MYOM2: variants seen among roughly 807,000 people sequenced by gnomAD.
The protein encoded by MYOM2 is myomesin-2.
MYOM2 carries 254 observed loss-of-function variants against 187.6 expected under a neutral mutation model. The observed-to-expected ratio is 1.35, with a 90% CI of 1.22 to 1.50. MYOM2 has a LOEUF of 1.50. Ranked by LOEUF, MYOM2 falls within the 40% of genes most tolerant of loss-of-function variation. The probability of loss-of-function intolerance (pLI) is 0.00; values close to 1 mark genes in which losing one functional copy is unlikely to be tolerated. For synonymous variants in MYOM2, 981 were observed against 753.8 expected, an observed-to-expected ratio of 1.30 and a Z score of -4.94; for missense variants, 2,796 against 1,924.0, an observed-to-expected ratio of 1.45 and a Z score of -8.48.
At chr8:2,068,861 G>A (rs1819115918) in intron 6 of MYOM2, among the ~76,000 whole-genome samples, 1 of 152,218 alleles carries the variant, frequency 6.6e-6, no homozygotes, top group Non-Finnish European at 1.5e-5. Flanking sequence ...GCTCTCCCAG[G>A]CAGGCTCTGT....
In MYOM2 at chr8:2,055,063, G is replaced by C. The variant is rs373294085; in HGVS notation, c.264-2285G>C. ...CCAAGTACCTGGATACTGGGGGAAC[G>C]AAGTACCTGGATACTGGGGGAACGA... On this transcript the variant is annotated intron_variant, in intron 3 of 36. Transcript: ENST00000262113. 5.3e-3 allele frequency among the ~76,000 whole-genome samples: 481 copies of C among 91,444 alleles called. 8 individuals are homozygous for C. The highest frequency in any genetic ancestry group is 0.038 in the Middle Eastern group (7 of 184). 60.0% of individuals were successfully genotyped at this position (91,444 alleles called of 152,430 possible).
In MYOM2 at chr8:2,102,673, G is replaced by A; in HGVS notation, c.2626G>A (p.Asp876Asn). Residue 876 changes from aspartate to asparagine, a missense_variant, in exon 21 of 37, where the codon GAC (aspartate) becomes AAC (asparagine). By Grantham distance (23) the Asp-to-Asn change is conservative. Transcript: ENST00000262113. The stretch of plus-strand genomic sequence containing the variant: ...TTTCCTCTGTTGTTTCAAGGTCTCT[G>A]ACCTGCAGCAAGGTAAGACCTATGT... The part of the protein sequence containing the change: ...TTASRYLKVS[D>N]LQQGKTYVFR... 1.2e-6 allele frequency: 2 copies of A among 1,609,576 alleles called. No individual in the cohort carries two copies. The highest frequency in any genetic ancestry group is 1.7e-6 in the Non-Finnish European group (2 of 1,176,192).
At position 2,096,300 on chromosome 8, in the gene MYOM2, A is replaced by T; in HGVS notation, c.2179A>T (p.Met727Leu). 13 of 1,614,142 alleles carry T rather than the reference A, an allele frequency of 8.1e-6. No individual in the cohort carries two copies. The highest frequency in any genetic ancestry group is 1.0e-5 in the Non-Finnish European group (12 of 1,180,028). Residue 727 changes from methionine (M) to leucine (L), a missense_variant, in exon 18 of 37, where the codon ATG (methionine) becomes TTG (leucine). Met to Leu is a conservative substitution (Grantham distance 15). Coordinates refer to ENST00000262113, the MANE Select transcript of MYOM2 (RefSeq NM_003970.4). ...GCTCCTCAACTGTGACGGCCACTCC[A>T]TGACCCTCGGCTGGAAGGTCCCGAA... The part of the protein sequence containing the change: ...ITLLNCDGHS[M>L]TLGWKVPKFS...
At position 2,130,300 on chromosome 8, in the gene MYOM2, G is replaced by T. The variant is rs546642867; in HGVS notation, c.3800+1068G>T. On this transcript the variant is annotated intron_variant, in intron 32 of 36. Transcript: ENST00000262113. ...CCTATACCCAGGGCGCCCACACCCCGCCTTTAGTTAACGCCCCTCACTACG... is the reference window on the plus strand; with the variant it reads ...CCTATACCCAGGGCGCCCACACCCCTCCTTTAGTTAACGCCCCTCACTACG... 6.4e-5 allele frequency among the ~76,000 whole-genome samples: 9 copies of T among 141,304 alleles called. No homozygotes were observed. In the East Asian group the frequency reaches 1.7e-3, roughly 26 times the overall value. 92.7% of individuals were successfully genotyped at this position (141,304 alleles called of 152,430 possible). A position where few individuals can be genotyped will look rare whatever the true frequency, so the allele number is the denominator to read the frequency against.
At chr8:2,060,169 C>A (rs1240733923) in intron 6 of MYOM2, among the ~76,000 whole-genome samples, 1 of 152,138 alleles carries the variant, frequency 6.6e-6, no homozygotes, top group Non-Finnish European at 1.5e-5. Context: ...GCAGTAGTAT[C>A]TTGTGGCACC....
chr8:2,128,486 A>G (rs1043204339), intron 31 of MYOM2, among the ~76,000 whole-genome samples: 6 of 152,256 alleles, frequency 3.9e-5, no homozygotes, highest in East Asian at 1.9e-4. Context: ...CTTCCAGTTC[A>G]GAGCTTCTGC....
At chr8:2,103,006 T>C (rs1215530408) in intron 21 of MYOM2, among the ~76,000 whole-genome samples, 6 of 152,026 alleles carry the variant, frequency 3.9e-5, no homozygotes, top group African/African-American at 1.4e-4. Context: ...AGAGTGTGCA[T>C]GGATTATGTG....
rs201055809 is a variant in MYOM2 at position 2,076,226 on chromosome 8, C to A, written c.1206C>A (p.Thr402=). ...CCAACCGGGACTACGTCATCGTGACCTGGAAGCCGCCCAACACCACCACTG... is the reference window on the plus strand; with the variant it reads ...CCAACCGGGACTACGTCATCGTGACATGGAAGCCGCCCAACACCACCACTG... ...HDANRDYVIV[T]WKPPNTTTES... is the part of the protein sequence containing the mutation. Residue 402 remains threonine (T), a synonymous_variant, in exon 11 of 37, where the codon ACC becomes ACA. Coordinates refer to ENST00000262113, the MANE Select transcript of MYOM2 (RefSeq NM_003970.4). The A allele has an allele frequency of 1.2e-6, 2 of 1,613,680 alleles. No individual in the cohort carries two copies. The highest frequency in any genetic ancestry group is 1.7e-6 in the Non-Finnish European group (2 of 1,179,930).
At chr8:2,064,379 C>A (rs897475269) in intron 6 of MYOM2, among the ~76,000 whole-genome samples, 14 of 152,200 alleles carry the variant, frequency 9.2e-5, no homozygotes, top group Non-Finnish European at 2.1e-4. Flanking sequence ...CTAACTTACC[C>A]GTGCCCACCG....
At chr8:2,142,054 T>C (rs1798292064) in intron 34 of MYOM2, among the ~76,000 whole-genome samples, 1 of 145,574 alleles carries the variant, frequency 6.9e-6, no homozygotes, top group Non-Finnish European at 1.5e-5. Flanking sequence ...ATCTCAAGTC[T>C]CCAGTGCAAT....
rs773097256 is a variant in MYOM2, at chr8:2,093,978, T to A, written c.2012T>A (p.Val671Glu). ...HKPIGYNRFVVHGLTTGEQYI... is the reference protein window; with the variant it reads ...HKPIGYNRFVEHGLTTGEQYI... Reference sequence around the variant, plus strand: ...ATCCCTGTGTTTCTCAGGTTCGTGGTGCACGGCTTAACCACGGGAGAGCAG... The same window carrying A: ...ATCCCTGTGTTTCTCAGGTTCGTGGAGCACGGCTTAACCACGGGAGAGCAG... Residue 671 changes from valine to glutamate, a missense_variant, in exon 17 of 37, where the codon GTG becomes GAG. Transcript: ENST00000262113. 1 of 1,614,034 alleles carries A rather than the reference T, an allele frequency of 6.2e-7. No homozygotes were observed. Among genetic ancestry groups the A allele is most frequent in the South Asian group, 1.1e-5 (1 of 91,080 alleles).
intron 11 of MYOM2, among the ~76,000 whole-genome samples, chr8:2,077,444 G>T (rs151318621): frequency 2.6e-5 from 4 of 152,080 alleles, no homozygotes; most frequent in Non-Finnish European, 5.9e-5. Flanking sequence ...AAAAATGAGG[G>T]AATTGGCTTT....
chr8:2,062,304 A>T (rs1818877788), intron 6 of MYOM2, among the ~76,000 whole-genome samples: 1 of 152,212 alleles, frequency 6.6e-6, no homozygotes, highest in Non-Finnish European at 1.5e-5. Flanking sequence ...CCTCTAGAGG[A>T]TCACTCTGAC....
rs1796997967 is a variant in MYOM2, at chr8:2,109,482, A to G, written c.3131A>G (p.Asp1044Gly). 3.1e-6 allele frequency: 5 copies of G among 1,613,464 alleles called. No individual in the cohort carries two copies. Among genetic ancestry groups the G allele is most frequent in the East Asian group, 4.5e-5 (2 of 44,768 alleles). The change falls in exon 25 of 37, where the codon GAT becomes GGT. Residue 1044 changes from aspartate (D) to glycine (G), a missense_variant. Asp to Gly is a moderately conservative substitution (Grantham distance 94, BLOSUM62 -1). Coordinates refer to ENST00000262113, the MANE Select transcript of MYOM2 (RefSeq NM_003970.4). Reference protein sequence around the residue: ...FWLQAEHLSPDASYRFIINDR... With the variant: ...FWLQAEHLSPGASYRFIINDR... ...CTCCAGGCTGAGCACTTATCACCAG[A>G]TGCCAGCTACCGATTTATTATTAAC...
Position 2,052,332 on chromosome 8 carries a change from T to C in MYOM2, c.263+19T>C. ...GAAGCAGGTGAGCACATGGCTTCCC[T>C]GACTCCACTTGTGCCCTGCGTGGGG... On this transcript the variant is annotated intron_variant, in intron 3 of 36. Coordinates refer to ENST00000262113, the MANE Select transcript of MYOM2 (RefSeq NM_003970.4). The C allele has an allele frequency of 6.3e-7, 1 of 1,583,272 alleles. No individual in the cohort carries two copies.
chr8:2,092,096 G>A (rs566051859), intron 15 of MYOM2, among the ~76,000 whole-genome samples: 2 of 152,132 alleles, frequency 1.3e-5, no homozygotes, highest in Admixed American at 1.3e-4. Context: ...GGAGGATTCA[G>A]GATGGATGTC....
chr8:2,082,856 C>T (rs1048008760), intron 13 of MYOM2, among the ~76,000 whole-genome samples: 1 of 152,112 alleles, frequency 6.6e-6, no homozygotes, highest in African/African-American at 2.4e-5. Context: ...CTAAAATAAA[C>T]TCGGTGTTTC....
chr8:2,144,639 C>A lies in MYOM2; in HGVS notation c.4081-25C>A, dbSNP rs764071460. On this transcript the variant is annotated intron_variant, in intron 36 of 36. Transcript: ENST00000262113. ...ACTTTCCTTTTTCTAACTCTTCCTT[C>A]TCCACCAACCTCTTCCGTCCAAAGA... The A allele has an allele frequency of 2.5e-6, 4 of 1,608,110 alleles. No individual in the cohort carries two copies. In the East Asian group the frequency reaches 6.7e-5, roughly 27 times the overall value.
At position 2,145,203 on chromosome 8, in the gene MYOM2, C is replaced by G. The variant is rs1433011330; in HGVS notation, c.*222C>G. The G allele has an allele frequency of 5.0e-6, 3 of 594,448 alleles. No homozygotes were observed. The highest frequency in any genetic ancestry group is 2.9e-6 in the Non-Finnish European group (1 of 344,306). 36.8% of individuals were successfully genotyped at this position (594,448 alleles called of 1,614,324 possible). ...CAAGACTGAACAACGTGTATTTACACGAGGGTAGACGGCAGATGCCTGACA... is the reference window on the plus strand; with the variant it reads ...CAAGACTGAACAACGTGTATTTACAGGAGGGTAGACGGCAGATGCCTGACA... On this transcript the variant is annotated 3_prime_UTR_variant, in exon 37 of 37. Transcript: ENST00000262113.
Sources: gnomAD v4.1 joint callset for allele counts (sites outside exome capture counted in the v4.1 genomes callset) on GRCh38, gnomAD v4.1.1 for gene constraint, MANE v1.5 for transcripts, NCBI Gene and HGNC (gene_info 2026-07-23, HGNC 2026-07-21) for gene names.